LRBA: variants seen among roughly 807,000 people sequenced by gnomAD.
LRBA encodes lipopolysaccharide-responsive and beige-like anchor protein.
Under a neutral mutation model 330.0 loss-of-function variants are expected in LRBA, and 176 were observed. That is an observed-to-expected ratio of 0.53 (90% CI 0.47 to 0.60). The LOEUF (loss-of-function observed/expected upper bound fraction) is 0.60. Among genes scored for constraint, LRBA ranks in the 20% least tolerant of loss-of-function variants. LRBA has a pLI of 0.00. For synonymous variants in LRBA, 1,230 were observed against 1,193.0 expected, an observed-to-expected ratio of 1.03 and a Z score of -0.64; for missense variants, 3,259 against 3,444.8, an observed-to-expected ratio of 0.95 and a Z score of 1.35.
intron 37 of LRBA, among the ~76,000 whole-genome samples, chr4:150,670,563 T>C (rs1034299377): frequency 1.3e-5 from 2 of 152,346 alleles, no homozygotes; most frequent in South Asian, 2.1e-4. Flanking sequence ...AGTTAACAAA[T>C]GGCATACAGA....
intron 4 of LRBA, among the ~76,000 whole-genome samples, chr4:150,928,216 C>T (rs1734088261): frequency 6.6e-6 from 1 of 152,126 alleles, no homozygotes; most frequent in Admixed American, 6.5e-5. Context: ...GGTACTACTA[C>T]CTAATACTTT....
At position 150,844,204 on chromosome 4, in the gene LRBA, G is replaced by C; in HGVS notation, c.4465C>G (p.Pro1489Ala). Residue 1489 changes from proline (P) to alanine (A), a missense_variant, in exon 28 of 57, where the codon CCA (proline) becomes GCA (alanine). By Grantham distance (27) the Pro-to-Ala change is conservative. Transcript: ENST00000651943. ...IPLGKSAAKSPVDIVTGGISP... is the reference protein window; with the variant it reads ...IPLGKSAAKSAVDIVTGGISP... ...ATACCGCCAGTCACAATGTCCACTG[G>C]GCTCTATTTAAGATTAAAAAAAAAT... 1 of 1,569,086 alleles carries C rather than the reference G, an allele frequency of 6.4e-7. No individual in the cohort carries two copies. The highest frequency in any genetic ancestry group is 8.7e-7 in the Non-Finnish European group (1 of 1,145,294).
At chr4:150,524,345 T>A (rs570879748) in intron 40 of LRBA, among the ~76,000 whole-genome samples, 62 of 152,312 alleles carry the variant, frequency 4.1e-4, no homozygotes, top group Admixed American at 1.8e-3. Context: ...TCTACAGGCT[T>A]CTTGCAATGT....
chr4:150,856,111 C>A (rs1579008803), intron 22 of LRBA, among the ~76,000 whole-genome samples: 1 of 152,274 alleles, frequency 6.6e-6, no homozygotes, highest in South Asian at 2.1e-4. Flanking sequence ...TGAACCTCTA[C>A]CCTAAGAAGT....
intron 39 of LRBA, 85 bp from the exon 40 acceptor site, chr4:150,588,269 T>C (rs2126439787): frequency 7.1e-7 from 1 of 1,417,038 alleles, no homozygotes; most frequent in East Asian, 2.3e-5. Flanking sequence ...ATTTAATCTT[T>C]TCATTCTCAC....
chr4:150,895,884 C>G (rs1051479352), intron 16 of LRBA, among the ~76,000 whole-genome samples: 5 of 152,150 alleles, frequency 3.3e-5, no homozygotes, highest in African/African-American at 1.2e-4. Flanking sequence ...GGTTGAACTA[C>G]TTTACAGTCC....
Position 150,405,257 on chromosome 4 carries a change from G to A in LRBA, c.7194+10181C>T, listed in dbSNP as rs529446645. On this transcript the variant is annotated intron_variant, in intron 47 of 56. Transcript: ENST00000651943. ...ATCTCAGAAACTTCAAGGCATCATG[G>A]AAAATGTCTGGAATATTCAATTGTT... Among the ~76,000 whole-genome samples, 11 of 152,306 alleles carry A rather than the reference G, an allele frequency of 7.2e-5. No individual in the cohort carries two copies. In the South Asian group the frequency reaches 2.1e-3, roughly 29 times the overall value.
chr4:150,378,274 T>C (rs1741662742), intron 47 of LRBA, among the ~76,000 whole-genome samples: 1 of 152,204 alleles, frequency 6.6e-6, no homozygotes, highest in Non-Finnish European at 1.5e-5. Context: ...AAGAATTTTT[T>C]TTCTCATTTA....
chr4:150,626,280 C>T (rs1368790433), intron 37 of LRBA, among the ~76,000 whole-genome samples: 1 of 152,102 alleles, frequency 6.6e-6, no homozygotes, highest in Non-Finnish European at 1.5e-5. Flanking sequence ...CATTTAACAT[C>T]TAAAAAGTGC....
intron 30 of LRBA, among the ~76,000 whole-genome samples, chr4:150,818,532 C>CTGTGTGTGTGTGTGTGTGTG (rs74479974): frequency 6.9e-6 from 1 of 145,802 alleles, no homozygotes; most frequent in Non-Finnish European, 1.5e-5. Context: ...TGACGAATGT[C>CTGTGTGTGTGTGTGTGTGTG]TGTGTGTGTG....
chr4:150,422,712 A>G, intron 46 of LRBA: 1 of 762,820 alleles, frequency 1.3e-6, no homozygotes. Flanking sequence ...CCACCAGGTG[A>G]GCCTCTGGAA....
chr4:150,499,342 T>C (rs1220452164), intron 40 of LRBA, among the ~76,000 whole-genome samples: 1 of 152,192 alleles, frequency 6.6e-6, no homozygotes, highest in Non-Finnish European at 1.5e-5. Flanking sequence ...TGAATTAAGC[T>C]ATAAAGTATT....
At chr4:150,998,646 C>T (rs1742978751) in intron 2 of LRBA, among the ~76,000 whole-genome samples, 2 of 152,098 alleles carry the variant, frequency 1.3e-5, no homozygotes, top group African/African-American at 2.4e-5. Flanking sequence ...TGAGCAACCG[C>T]ACCCGGCAGG....
chr4:150,875,962 C>T (rs941948600), intron 17 of LRBA, among the ~76,000 whole-genome samples: 1 of 152,118 alleles, frequency 6.6e-6, no homozygotes, highest in Non-Finnish European at 1.5e-5. Context: ...ATATCCAAGA[C>T]AATGTTGAAA....
chr4:150,504,737 A>AT (rs1760813338), intron 40 of LRBA, among the ~76,000 whole-genome samples: 1 of 152,226 alleles, frequency 6.6e-6, no homozygotes, highest in Non-Finnish European at 1.5e-5. Flanking sequence ...AAATTCACAC[A>AT]TAACGACATT....
At chr4:150,976,797 C>T (rs144027785) in intron 2 of LRBA, among the ~76,000 whole-genome samples, 3 of 152,274 alleles carry the variant, frequency 2.0e-5, no homozygotes, top group East Asian at 3.9e-4. Flanking sequence ...GGAGCACCTA[C>T]GCGCCTGGGA....
chr4:150,562,808 A>AT (rs5862925), intron 40 of LRBA, among the ~76,000 whole-genome samples: 67,723 of 150,120 alleles, frequency 0.45, 15,717 homozygotes, highest in Admixed American at 0.52. Flanking sequence ...CTTTGAAATA[A>AT]TTTTTTTTTT....
chr4:150,422,094 C>CA (rs1236296029), intron 46 of LRBA, among the ~76,000 whole-genome samples: 1 of 151,972 alleles, frequency 6.6e-6, no homozygotes, highest in African/African-American at 2.4e-5. Context: ...CCCATCTCTA[C>CA]AAAAAAAGTA....
In LRBA at chr4:150,317,535, T is replaced by C. The variant is rs1457915792; in HGVS notation, c.7631-1912A>G. Among the ~76,000 whole-genome samples the C allele has an allele frequency of 1.3e-5, 2 of 152,160 alleles. 1 individual carries two copies. Among genetic ancestry groups the C allele is most frequent in the Non-Finnish European group, 2.9e-5 (2 of 68,016 alleles). On this transcript the variant is annotated intron_variant, in intron 50 of 56. Transcript: ENST00000651943. ...AAAGGTATTTGTCTTTGCTGATTACTGTCTCTGCTGGCAAAGAAATCACAG... is the reference window on the plus strand; with the variant it reads ...AAAGGTATTTGTCTTTGCTGATTACCGTCTCTGCTGGCAAAGAAATCACAG...
Sources: allele counts gnomAD v4.1 joint callset (sites outside exome capture counted in the v4.1 genomes callset), GRCh38; gene constraint gnomAD v4.1.1; transcripts MANE v1.5; gene names NCBI Gene and HGNC (gene_info 2026-07-23, HGNC 2026-07-21).